Variants in CLEC16A observed in about 807,000 individuals in gnomAD.
CLEC16A encodes C-type lectin domain containing 16A.
Under a neutral mutation model 109.5 loss-of-function variants are expected in CLEC16A, and 51 were observed. The ratio of observed to expected loss-of-function variants is 0.47; its 90% CI spans 0.37 to 0.59. The LOEUF (loss-of-function observed/expected upper bound fraction) is 0.59. Among genes scored for constraint, CLEC16A ranks in the 20% least tolerant of loss-of-function variants. CLEC16A has a pLI of 0.00. For missense variants in CLEC16A, 1,339 were observed against 1,394.0 expected (o/e 0.96, Z 0.63); for synonymous variants, 673 against 564.2 (o/e 1.19, Z -2.73).
At chr16:11,046,593 G>A (rs1241339378) in intron 16 of CLEC16A, among the ~76,000 whole-genome samples, 1 of 152,166 alleles carries the variant, frequency 6.6e-6, no homozygotes, top group East Asian at 1.9e-4. Flanking sequence ...CTGAACGAGT[G>A]ACAGGTTCTG....
chr16:11,087,337 C>T (rs888508013), intron 19 of CLEC16A, among the ~76,000 whole-genome samples: 1 of 152,204 alleles, frequency 6.6e-6, no homozygotes, highest in Non-Finnish European at 1.5e-5. Context: ...CCCACTCTCA[C>T]GTCCAGGAGG....
chr16:11,147,063 G>A (rs1322057949), intron 22 of CLEC16A, among the ~76,000 whole-genome samples: 1 of 152,150 alleles, frequency 6.6e-6, no homozygotes, highest in African/African-American at 2.4e-5. Flanking sequence ...AGGAGGTAGA[G>A]GAAGAGCGCC....
intron 19 of CLEC16A, among the ~76,000 whole-genome samples, chr16:11,112,330 C>G (rs923239569): frequency 6.6e-6 from 1 of 152,020 alleles, no homozygotes; most frequent in Non-Finnish European, 1.5e-5. Flanking sequence ...AATGTGTTAT[C>G]TAGTGAAAGT....
chr16:11,011,064 T>G (rs1379182043), intron 11 of CLEC16A, among the ~76,000 whole-genome samples: 10 of 152,230 alleles, frequency 6.6e-5, no homozygotes, highest in African/African-American at 2.2e-4. Flanking sequence ...GTCACATGAC[T>G]AAGGTGTTGC....
chr16:10,970,552 G>A (rs1202561705), intron 4 of CLEC16A, among the ~76,000 whole-genome samples: 1 of 152,152 alleles, frequency 6.6e-6, no homozygotes, highest in Non-Finnish European at 1.5e-5. Flanking sequence ...ACATTATCTG[G>A]ACTCATTTTC....
chr16:11,154,138 A>T (rs1338398821), intron 22 of CLEC16A, among the ~76,000 whole-genome samples: 2 of 152,244 alleles, frequency 1.3e-5, no homozygotes. Flanking sequence ...GAATTGGGGA[A>T]AGCCATTTAT....
Position 11,174,625 on chromosome 16 carries a change from A to G in CLEC16A, c.2807-3710A>G, listed in dbSNP as rs2068671464. On this transcript the variant is annotated intron_variant, in intron 23 of 23. Coordinates refer to ENST00000409790, the MANE Select transcript of CLEC16A (RefSeq NM_015226.3). This position sits in a 1 kb window ranked among gnomAD's most constrained non-coding sequence, Gnocchi z 4.7. Reference sequence around the variant, plus strand: ...GGGCCAGAAGCAGATGCTCCTGCCAAGTCCCCCAGGGGTCCCCCCAGTTTA... The same window carrying G: ...GGGCCAGAAGCAGATGCTCCTGCCAGGTCCCCCAGGGGTCCCCCCAGTTTA... Among the ~76,000 whole-genome samples the G allele has an allele frequency of 6.6e-6, 1 of 152,272 alleles. No individual in the cohort carries two copies. Among genetic ancestry groups the G allele is most frequent in the Non-Finnish European group, 1.5e-5 (1 of 68,048 alleles).
intron 19 of CLEC16A, among the ~76,000 whole-genome samples, chr16:11,110,694 G>T (rs2051527424): frequency 6.6e-6 from 1 of 152,158 alleles, no homozygotes; most frequent in East Asian, 1.9e-4. Context: ...TTGCCTCTGT[G>T]ATGCATGCTG....
At chr16:11,068,899 C>G (rs1406513462) in intron 19 of CLEC16A, among the ~76,000 whole-genome samples, 1 of 152,170 alleles carries the variant, frequency 6.6e-6, no homozygotes, top group Non-Finnish European at 1.5e-5. Context: ...GCTGCAAGCT[C>G]CACCTCCCAG....
At chr16:11,004,283 A>C (rs1422639740) in intron 11 of CLEC16A, among the ~76,000 whole-genome samples, 2 of 152,174 alleles carry the variant, frequency 1.3e-5, no homozygotes, top group East Asian at 3.8e-4. Context: ...TCACAGCCAC[A>C]CAGCTGGGGT....
intron 13 of CLEC16A, among the ~76,000 whole-genome samples, chr16:11,037,911 A>C (rs987119437): frequency 6.6e-6 from 1 of 152,116 alleles, no homozygotes. Flanking sequence ...TTCAGTTGAC[A>C]TTCTTCTTGC....
intron 19 of CLEC16A, among the ~76,000 whole-genome samples, chr16:11,092,925 T>C (rs935102780): frequency 1.3e-5 from 2 of 152,266 alleles, no homozygotes; most frequent in African/African-American, 2.4e-5. Flanking sequence ...TCATCATGAC[T>C]GTCCCCAGTC....
At chr16:11,082,979 C>G (rs570750937) in intron 19 of CLEC16A, among the ~76,000 whole-genome samples, 27 of 152,250 alleles carry the variant, frequency 1.8e-4, no homozygotes, top group African/African-American at 6.3e-4. Context: ...GGTTTACCCT[C>G]AGCCCCAGCC....
At chr16:11,038,410 T>C (rs57543459) in intron 13 of CLEC16A, among the ~76,000 whole-genome samples, 2,117 of 152,132 alleles carry the variant, frequency 0.014, 33 homozygotes, top group African/African-American at 0.048. Context: ...TCAAGCAAAA[T>C]ATTTGTTTCT....
chr16:11,135,608 C>A (rs530052799), intron 22 of CLEC16A, among the ~76,000 whole-genome samples: 1 of 152,220 alleles, frequency 6.6e-6, no homozygotes, highest in African/African-American at 2.4e-5. Context: ...TGCCCGGGAG[C>A]CTTCTGGTCA....
At chr16:11,148,348 T>A (rs2054154709) in intron 22 of CLEC16A, among the ~76,000 whole-genome samples, 1 of 152,180 alleles carries the variant, frequency 6.6e-6, no homozygotes, top group Admixed American at 6.5e-5. Context: ...GGGCTAGTTG[T>A]GGCCTTTTTG....
intron 19 of CLEC16A, among the ~76,000 whole-genome samples, chr16:11,118,057 C>T (rs1370464343): frequency 3.3e-5 from 5 of 152,110 alleles, no homozygotes; most frequent in African/African-American, 1.2e-4. Flanking sequence ...TCACTGCAGC[C>T]TCTACCTCCT....
intron 10 of CLEC16A, among the ~76,000 whole-genome samples, chr16:10,991,538 G>C (rs1168281158): frequency 1.3e-5 from 2 of 152,162 alleles, no homozygotes; most frequent in East Asian, 3.8e-4. Context: ...TGGGAAGTAG[G>C]AGATGAGGTT....
At chr16:11,127,920 G>A (rs749180004) in intron 22 of CLEC16A, among the ~76,000 whole-genome samples, 8 of 152,186 alleles carry the variant, frequency 5.3e-5, no homozygotes, top group Non-Finnish European at 1.2e-4. Context: ...TTGTGGCACC[G>A]CCTGTTTTCA....
Sources: allele counts gnomAD v4.1 joint callset (sites outside exome capture counted in the v4.1 genomes callset), GRCh38; gene constraint gnomAD v4.1.1; non-coding constraint Gnocchi (gnomAD v3.1); transcripts MANE v1.5; gene names NCBI Gene and HGNC (gene_info 2026-07-23, HGNC 2026-07-21).